Variants in ECT2 observed in about 807,000 individuals in gnomAD.
ECT2 encodes protein ECT2.
Under a neutral mutation model 116.9 loss-of-function variants are expected in ECT2, and 61 were observed. That is an observed-to-expected ratio of 0.52 (90% CI 0.42 to 0.65). ECT2 has a LOEUF of 0.65. Ranked by LOEUF, ECT2 falls within the 30% of genes least tolerant of loss-of-function variation. The pLI, the probability that ECT2 is intolerant of heterozygous loss-of-function variation, is 0.00. For synonymous variants in ECT2, 358 were observed against 346.4 expected (o/e 1.03, Z -0.37); for missense variants, 937 against 1,078.7 (o/e 0.87, Z 1.84).
intron 6 of ECT2, among the ~76,000 whole-genome samples, chr3:172,759,281 A>G (rs150460702): frequency 6.6e-6 from 1 of 152,326 alleles, no homozygotes; most frequent in East Asian, 1.9e-4. Context: ...GATGTGAATT[A>G]ATAGAAAGAT....
rs532716343 is a variant in ECT2 at position 172,777,745 on chromosome 3, A to G, written c.1548+3723A>G. On this transcript the variant is annotated intron_variant, in intron 14 of 24. Transcript: ENST00000392692. ...AAAACCCCATCGCTACAAAAAATGC[A>G]AAAATTAGCTGGGTGTGGTGGCGCA... Among the ~76,000 whole-genome samples, 7 of 152,264 alleles carry G rather than the reference A, an allele frequency of 4.6e-5. No homozygotes were observed. The East Asian group carries it at 1.4e-3, about 29-fold the overall frequency.
intron 5 of ECT2, among the ~76,000 whole-genome samples, chr3:172,757,697 G>A (rs1717312518): frequency 6.6e-6 from 1 of 152,146 alleles, no homozygotes; most frequent in Non-Finnish European, 1.5e-5. Flanking sequence ...TTACAGGCGT[G>A]AGCCACTGCG....
intron 12 of ECT2, among the ~76,000 whole-genome samples, chr3:172,767,613 G>A (rs1171107482): frequency 6.6e-6 from 1 of 151,864 alleles, no homozygotes; most frequent in East Asian, 1.9e-4. Flanking sequence ...TTGCTATTAG[G>A]TGCTTCTATA....
In ECT2 at chr3:172,755,411, A is replaced by G. The variant is rs1355584491; in HGVS notation, c.210+37A>G. ...TAGGTTTTAGTTTTTTTTGTAATGC[A>G]ATTTTTCTTCCATCAGTGTGTAAAT... On this transcript the variant is annotated intron_variant, in intron 3 of 24. Transcript: ENST00000392692. The G allele has an allele frequency of 2.6e-6, 4 of 1,566,362 alleles. No individual in the cohort carries two copies. In the South Asian group the frequency reaches 3.6e-5, roughly 14 times the overall value.
chr3:172,797,624 T>C (rs1725968029), intron 18 of ECT2, among the ~76,000 whole-genome samples: 1 of 152,174 alleles, frequency 6.6e-6, no homozygotes, highest in Non-Finnish European at 1.5e-5. Flanking sequence ...TCAAGTGCTC[T>C]TTTCATCTGG....
intron 18 of ECT2, among the ~76,000 whole-genome samples, chr3:172,800,324 C>G (rs1211087185): frequency 6.6e-6 from 1 of 152,178 alleles, no homozygotes. Context: ...GCTAAAGCAA[C>G]CTGCTATGAC....
chr3:172,767,815 T>TC (rs1432814189), intron 12 of ECT2, among the ~76,000 whole-genome samples: 1 of 151,870 alleles, frequency 6.6e-6, no homozygotes. Context: ...CACTGCAACC[T>TC]CCACCTCCTG....
intron 18 of ECT2, among the ~76,000 whole-genome samples, chr3:172,791,475 A>G (rs191197028): frequency 1.3e-5 from 2 of 152,320 alleles, no homozygotes; most frequent in East Asian, 3.9e-4. Context: ...TTCTTCAATT[A>G]TCTTATTTAG....
chr3:172,772,540 GA>G (rs1720858883), intron 13 of ECT2, among the ~76,000 whole-genome samples: 1 of 152,112 alleles, frequency 6.6e-6, no homozygotes, highest in African/African-American at 2.4e-5. Flanking sequence ...TGTCAAACAT[GA>G]CTTGCAAATG....
chr3:172,775,783 A>C (rs992126782), intron 14 of ECT2, among the ~76,000 whole-genome samples: 2 of 151,704 alleles, frequency 1.3e-5, no homozygotes, highest in Non-Finnish European at 2.9e-5. Context: ...ACAGGCATGC[A>C]CCACCACGCC....
chr3:172,774,139 C>T (rs1247469298), intron 14 of ECT2, 117 bp downstream of exon 14: 3 of 870,380 alleles, frequency 3.4e-6, no homozygotes, highest in Admixed American at 2.7e-5. Context: ...TTCTTATTCC[C>T]TTATTAGTTC....
chr3:172,767,658 A>G (rs1213426785), intron 12 of ECT2, among the ~76,000 whole-genome samples: 1 of 152,144 alleles, frequency 6.6e-6, no homozygotes, highest in Admixed American at 6.5e-5. Context: ...TATTAACAGT[A>G]AGAAAACAGA....
intron 18 of ECT2, among the ~76,000 whole-genome samples, chr3:172,790,766 A>G (rs1395334143): frequency 4.6e-5 from 7 of 152,236 alleles, no homozygotes; most frequent in Non-Finnish European, 7.3e-5. Context: ...GTACATCTCC[A>G]TCAGAGCTCT....
intron 22 of ECT2, among the ~76,000 whole-genome samples, chr3:172,810,387 T>C (rs1272877907): frequency 1.3e-5 from 2 of 152,160 alleles, no homozygotes; most frequent in African/African-American, 4.8e-5. Flanking sequence ...AACTTGTAAG[T>C]AGAATTTCTA....
chr3:172,787,368 C>CTTGT (rs113137881), intron 18 of ECT2, among the ~76,000 whole-genome samples: 5 of 152,068 alleles, frequency 3.3e-5, no homozygotes, highest in South Asian at 4.1e-4. Context: ...CTCTCATTCT[C>CTTGT]TTGAGACAGT....
chr3:172,801,048 A>C (rs978985984), intron 18 of ECT2, among the ~76,000 whole-genome samples: 3 of 152,136 alleles, frequency 2.0e-5, no homozygotes, highest in Admixed American at 2.0e-4. Context: ...TCTTTCTTGC[A>C]GTTTTTAGAA....
intron 4 of ECT2, 124 bp downstream of exon 4, chr3:172,755,699 A>G: frequency 2.3e-6 from 1 of 431,638 alleles, no homozygotes; most frequent in South Asian, 6.1e-5. Context: ...AATGAATAGA[A>G]ACTGTTTTAT....
At chr3:172,751,569 T>C (rs1057344324) in intron 1 of ECT2, among the ~76,000 whole-genome samples, 1 of 151,500 alleles carries the variant, frequency 6.6e-6, no homozygotes, top group Non-Finnish European at 1.5e-5. Context: ...AAATGTCAGT[T>C]GTTAATAGTA....
At chr3:172,759,229 G>A (rs1470263639) in intron 6 of ECT2, among the ~76,000 whole-genome samples, 160 bp downstream of exon 6, 1 of 152,060 alleles carries the variant, frequency 6.6e-6, no homozygotes, top group Non-Finnish European at 1.5e-5. Context: ...AACAAATCCT[G>A]AAGAGCCTTA....
Sources: allele counts gnomAD v4.1 joint callset (sites outside exome capture counted in the v4.1 genomes callset), GRCh38; gene constraint gnomAD v4.1.1; transcripts MANE v1.5; gene names NCBI Gene and HGNC (gene_info 2026-07-23, HGNC 2026-07-21).